NRXN1: variants seen among roughly 807,000 people sequenced by gnomAD.
The protein encoded by NRXN1 is neurexin 1.
A neutral mutation model predicts 150.9 loss-of-function variants in NRXN1; 39 were observed. The observed-to-expected ratio is 0.26, with a 90% CI of 0.20 to 0.34. NRXN1 has a LOEUF of 0.34. Among genes scored for constraint, NRXN1 ranks in the 10% least tolerant of loss-of-function variants. The probability of loss-of-function intolerance (pLI) is 1.00; values close to 1 mark genes in which losing one functional copy is unlikely to be tolerated. For missense variants in NRXN1, 1,815 were observed against 1,949.9 expected (o/e 0.93, Z 1.30); for synonymous variants, 924 against 757.0 (o/e 1.22, Z -3.62).
rs183420758 is a variant in NRXN1, at chr2:50,871,105, T to A, written c.832+50764A>T. 2.8e-4 allele frequency among the ~76,000 whole-genome samples: 42 copies of A among 151,990 alleles called. 1 individual carries two copies. Among genetic ancestry groups the A allele is most frequent in the African/African-American group, 9.9e-4 (41 of 41,554 alleles). ...TAAATCTTTGTTAATCAGAAAAGTC[T>A]ATTAATCAGATCTAGCATTTTGAAT... On this transcript the variant is annotated intron_variant, in intron 5 of 22. Transcript: ENST00000401669.
At chr2:50,464,020 T>C (rs946566109) in intron 17 of NRXN1, 1 of 151,734 alleles carries the variant, frequency 6.6e-6, no homozygotes, top group South Asian at 2.1e-4. Flanking sequence ...AATTTACCTA[T>C]ACACACATAT....
intron 21 of NRXN1, chr2:50,019,209 C>G (rs1272693042): frequency 6.4e-6 from 3 of 471,400 alleles, no homozygotes; most frequent in South Asian, 4.6e-5. Context: ...AGCCGTCCTT[C>G]TAGTCATTCT....
intron 5 of NRXN1, among the ~76,000 whole-genome samples, chr2:50,801,609 A>T (rs1466387469): frequency 6.6e-6 from 1 of 152,198 alleles, no homozygotes; most frequent in African/African-American, 2.4e-5. Flanking sequence ...ATACTCCCAA[A>T]ATATGCACAA....
intron 5 of NRXN1, among the ~76,000 whole-genome samples, chr2:50,764,627 T>G (rs375287699): frequency 2.7e-4 from 41 of 152,102 alleles, no homozygotes; most frequent in African/African-American, 9.4e-4. Flanking sequence ...GTTAAACAAT[T>G]TGCTCAGCCA....
intron 17 of NRXN1, among the ~76,000 whole-genome samples, chr2:50,239,169 A>C (rs1204427771): frequency 6.6e-6 from 1 of 151,942 alleles, no homozygotes; most frequent in Non-Finnish European, 1.5e-5. Flanking sequence ...CAAATGATTA[A>C]GTATTAACTT....
Position 50,003,922 on chromosome 2 carries a change from C to T in NRXN1, c.4128+49349G>A, listed in dbSNP as rs549296888. 2.0e-5 allele frequency among the ~76,000 whole-genome samples: 3 copies of T among 152,248 alleles called. 1 individual carries two copies. The highest frequency in any genetic ancestry group is 4.1e-4 in the South Asian group (2 of 4,830). The stretch of plus-strand genomic sequence containing the variant: ...TTCCCCTTGACTTAACAGATGCCCA[C>T]TCTCATTTAGAACTATTTCCTGACA... On this transcript the variant is annotated intron_variant, in intron 21 of 22. Coordinates refer to ENST00000401669, the MANE Select transcript of NRXN1 (RefSeq NM_001330078.2).
intron 17 of NRXN1, among the ~76,000 whole-genome samples, chr2:50,423,133 C>T (rs1170211999): frequency 6.6e-6 from 1 of 152,128 alleles, no homozygotes; most frequent in South Asian, 2.1e-4. Flanking sequence ...GAAACATATT[C>T]CTTTCCTGTC....
chr2:50,962,784 A>ACC (rs1693419951), intron 2 of NRXN1, among the ~76,000 whole-genome samples: 1 of 151,606 alleles, frequency 6.6e-6, no homozygotes, highest in African/African-American at 2.4e-5. Context: ...TGTTCAATTA[A>ACC]ATTTTCGCTC....
chr2:50,678,552 T>A (rs892622183), intron 5 of NRXN1, among the ~76,000 whole-genome samples: 1 of 152,180 alleles, frequency 6.6e-6, no homozygotes, highest in Non-Finnish European at 1.5e-5. Context: ...CTGACCAGCA[T>A]TGGAAAAACC....
At chr2:50,849,617 C>G (rs1674211799) in intron 5 of NRXN1, among the ~76,000 whole-genome samples, 1 of 152,196 alleles carries the variant, frequency 6.6e-6, no homozygotes. Context: ...AGTTCTCTCT[C>G]TCTCTCCTCT....
chr2:49,992,264 G>T (rs1396712569), intron 21 of NRXN1, among the ~76,000 whole-genome samples: 1 of 151,988 alleles, frequency 6.6e-6, no homozygotes, highest in African/African-American at 2.4e-5. Context: ...TTTGGACCGG[G>T]TGCAGTGGCT....
At chr2:50,186,866 A>G (rs2061106030) in intron 18 of NRXN1, among the ~76,000 whole-genome samples, 2 of 152,126 alleles carry the variant, frequency 1.3e-5, no homozygotes. Flanking sequence ...AACCCAAATT[A>G]TTTAGAATAT....
intron 2 of NRXN1, among the ~76,000 whole-genome samples, chr2:50,955,424 T>C (rs1196341632): frequency 6.6e-6 from 1 of 152,210 alleles, no homozygotes; most frequent in Non-Finnish European, 1.5e-5. Flanking sequence ...CATTTAGCCA[T>C]CATGCTCCTT....
intron 17 of NRXN1, among the ~76,000 whole-genome samples, chr2:50,395,463 T>C (rs1000425207): frequency 2.4e-4 from 36 of 151,936 alleles, no homozygotes; most frequent in Admixed American, 1.3e-4. Context: ...TTTACTCTGA[T>C]ATAAAAATGG....
At chr2:50,821,614 G>A (rs1374740032) in intron 5 of NRXN1, among the ~76,000 whole-genome samples, 1 of 152,168 alleles carries the variant, frequency 6.6e-6, no homozygotes, top group Non-Finnish European at 1.5e-5. Flanking sequence ...TCTTGTGAAA[G>A]ATGAGAACAG....
chr2:50,117,905 A>C, intron 18 of NRXN1, among the ~76,000 whole-genome samples: 1 of 152,164 alleles, frequency 6.6e-6, no homozygotes, highest in East Asian at 1.9e-4. Flanking sequence ...GAAAAATTTA[A>C]TGTAATTACT....
chr2:50,173,388 G>T (rs961425446), intron 18 of NRXN1, among the ~76,000 whole-genome samples: 1 of 152,134 alleles, frequency 6.6e-6, no homozygotes, highest in Non-Finnish European at 1.5e-5. Context: ...AATGACTAAG[G>T]TTAGCTTTTC....
At chr2:50,506,788 G>T in intron 12 of NRXN1, 171 bp from the exon 13 acceptor site, 1 of 652,520 alleles carries the variant, frequency 1.5e-6, no homozygotes, top group Non-Finnish European at 2.5e-6. Flanking sequence ...AGAAGAGGCG[G>T]GCTGGACCAA....
At chr2:50,366,371 C>G (rs768364291) in intron 17 of NRXN1, among the ~76,000 whole-genome samples, 16 of 151,920 alleles carry the variant, frequency 1.1e-4, no homozygotes, top group African/African-American at 3.9e-4. Context: ...ACTGTTCAGT[C>G]GTAATATTTT....
Sources: gnomAD v4.1 joint callset for allele counts (sites outside exome capture counted in the v4.1 genomes callset) on GRCh38, gnomAD v4.1.1 for gene constraint, MANE v1.5 for transcripts, NCBI Gene and HGNC (gene_info 2026-07-23, HGNC 2026-07-21) for gene names.